The following HLA-DMB variants were observed in gnomAD, a reference collection of about 807,000 sequenced individuals.
HLA-DMB encodes the protein HLA class II histocompatibility antigen, DM beta chain.
In HLA-DMB, 18 loss-of-function variants were observed where a neutral mutation model predicts 29.3. That is an observed-to-expected ratio of 0.62 (90% CI 0.43 to 0.91). HLA-DMB has a LOEUF of 0.91. Ranked by LOEUF, HLA-DMB falls within the 40% of genes least tolerant of loss-of-function variation. The pLI, the probability that HLA-DMB is intolerant of heterozygous loss-of-function variation, is 0.00. For synonymous variants in HLA-DMB, 143 were observed against 128.7 expected, an observed-to-expected ratio of 1.11 and a Z score of -0.75; for missense variants, 258 against 320.9, an observed-to-expected ratio of 0.80 and a Z score of 1.50.
Position 32,937,124 on chromosome 6 carries a change from C to G in HLA-DMB, c.622+48G>C, listed in dbSNP as rs773228885. On this transcript the variant is annotated intron_variant, in intron 3 of 5. Coordinates refer to ENST00000418107, the MANE Select transcript of HLA-DMB (RefSeq NM_002118.5). The surrounding 1 kb of genome is among the most constrained non-coding windows in gnomAD (Gnocchi z 4.1). ...ATGTACCATGTATCGATCCACATCT[C>G]ATTTTCTCTGCTTTGACCCTAATTC... 6.0e-6 allele frequency: 9 copies of G among 1,490,604 alleles called. No homozygotes were observed. Among genetic ancestry groups the G allele is most frequent in the Non-Finnish European group, 6.4e-6 (7 of 1,101,066 alleles). The allele number at this position is 1,490,604 out of a possible 1,614,324, so 92.3% of individuals were successfully genotyped here.
chr6:32,939,063 T>C (rs1776192215), intron 1 of HLA-DMB, 98 bp from the exon 2 acceptor site: 1 of 785,474 alleles, frequency 1.3e-6, no homozygotes. Flanking sequence ...AAATAATAAA[T>C]ATATAAAACA....
chr6:32,940,619 A>G (rs561416854), intron 1 of HLA-DMB, 134 bp downstream of exon 1: 3 of 594,446 alleles, frequency 5.0e-6, no homozygotes, highest in Non-Finnish European at 9.0e-6. Context: ...AATTGCTACA[A>G]AGTACAAAGT....
intron 3 of HLA-DMB, 60 bp from the exon 4 acceptor site, chr6:32,935,712 A>G (rs1775962504): frequency 3.3e-6 from 4 of 1,228,236 alleles, no homozygotes; most frequent in African/African-American, 1.5e-5. Flanking sequence ...GGGCAATTCC[A>G]TTTATTGCAG....
At chr6:32,935,772 G>T in intron 3 of HLA-DMB, 120 bp from the exon 4 acceptor site, 1 of 664,460 alleles carries the variant, frequency 1.5e-6, no homozygotes, top group Non-Finnish European at 2.7e-6. Flanking sequence ...CAAGGGTCTA[G>T]CTCACACCAC....
rs1776041413 is a variant in HLA-DMB at position 32,937,023 on chromosome 6, T to C, written c.622+149A>G. The C allele has an allele frequency of 3.6e-6, 2 of 561,784 alleles. No homozygotes were observed. Among genetic ancestry groups the C allele is most frequent in the Non-Finnish European group, 6.0e-6 (2 of 330,734 alleles). 34.8% of individuals were successfully genotyped at this position (561,784 alleles called of 1,614,324 possible). On this transcript the variant is annotated intron_variant, in intron 3 of 5. Transcript: ENST00000418107. The surrounding 1 kb of genome is among the most constrained non-coding windows in gnomAD (Gnocchi z 4.1). ...TAAATATTTCCATTTCTTTATCCCA[T>C]TTCCCCATTCTGGTCCTAAGCCCCC...
At position 32,937,386 on chromosome 6, in the gene HLA-DMB, A is replaced by AT; in HGVS notation, c.407dup (p.Tyr136Ter). 1.2e-6 allele frequency: 2 copies of AT among 1,614,194 alleles called. No individual in the cohort carries two copies. The highest frequency in any genetic ancestry group is 1.7e-6 in the Non-Finnish European group (2 of 1,180,036). ...CTTCTGCTGGATAGAAGCCCCACACATAGCAGGCCAGCATCACAGGCTCCC... is the reference window on the plus strand; with the variant it reads ...CTTCTGCTGGATAGAAGCCCCACACATTAGCAGGCCAGCATCACAGGCTCCC... ...NTREPVMLAC[Y>*]VWGFYPAEVT... The change falls in exon 3 of 6, where the codon TAT (tyrosine) becomes TAAT (stop). Residue 136 changes from tyrosine to a stop codon, truncating the protein, a stop_gained and frameshift_variant. Transcript: ENST00000418107. LOFTEE classifies it high-confidence loss of function. The surrounding 1 kb of genome is among the most constrained non-coding windows in gnomAD (Gnocchi z 4.1).
Position 32,940,057 on chromosome 6 carries a change from A to G in HLA-DMB, c.55+696T>C, listed in dbSNP as rs539066218. Among the ~76,000 whole-genome samples the G allele has an allele frequency of 8.9e-4, 135 of 152,214 alleles. 2 individuals carry two copies. In the South Asian group the frequency reaches 0.018, roughly 21 times the overall value. On this transcript the variant is annotated intron_variant, in intron 1 of 5. Transcript: ENST00000418107. Reference sequence around the variant, plus strand: ...GTTGGTATGAGTAAAAAAAAAAAAAAAACCTCACACAGTTGGTCAAAGAAG... The same window carrying G: ...GTTGGTATGAGTAAAAAAAAAAAAAGAACCTCACACAGTTGGTCAAAGAAG...
chr6:32,935,733 G>C, intron 3 of HLA-DMB, 81 bp from the exon 4 acceptor site: 1 of 973,272 alleles, frequency 1.0e-6, no homozygotes, highest in Non-Finnish European at 1.6e-6. Context: ...CCACCTCTCA[G>C]TGGGTTAAAA....
rs1250265850 is a variant in HLA-DMB at position 32,940,771 on chromosome 6, G to C, written c.37C>G (p.Leu13Val). The change falls in exon 1 of 6, where the codon CTG (leucine) becomes GTG (valine). Residue 13 changes from leucine to valine, a missense_variant. Leu to Val is a conservative substitution (Grantham distance 32). Coordinates refer to ENST00000418107, the MANE Select transcript of HLA-DMB (RefSeq NM_002118.5). ...TFLPLLLGLSLGCTGAGGFVA... is the reference protein window; with the variant it reads ...TFLPLLLGLSVGCTGAGGFVA... ...TCCTTACCTGCTCCTGTGCAGCCCA[G>C]GCTGAGCCCCAGCAGCAGCGGCAGG... 6.2e-7 allele frequency: 1 copy of C among 1,606,198 alleles called. No homozygotes were observed. The highest frequency in any genetic ancestry group is 8.5e-7 in the Non-Finnish European group (1 of 1,177,024).
rs1044240405 is a variant in HLA-DMB, at chr6:32,940,864, C to A, written c.-57G>T. On this transcript the variant is annotated 5_prime_UTR_variant, in exon 1 of 6. Transcript: ENST00000418107. The stretch of plus-strand genomic sequence containing the variant: ...TCCCCTGGACCAGCTCTTCCAGGGT[C>A]CGTGGGTCCTCGCCTGTCCCAGAAG... 3 of 1,414,868 alleles carry A rather than the reference C, an allele frequency of 2.1e-6. No homozygotes were observed. Among genetic ancestry groups the A allele is most frequent in the Non-Finnish European group, 2.9e-6 (3 of 1,024,072 alleles). The allele number at this position is 1,414,868 out of a possible 1,614,324, so 87.6% of individuals were successfully genotyped here. A position where few individuals can be genotyped will look rare whatever the true frequency, so the allele number is the denominator to read the frequency against.
At chr6:32,939,071 A>T (rs1480825971) in intron 1 of HLA-DMB, 106 bp from the exon 2 acceptor site, 2 of 751,542 alleles carry the variant, frequency 2.7e-6, no homozygotes, top group Non-Finnish European at 3.6e-6. Context: ...AATATATAAA[A>T]CATACAGACG....
At position 32,934,822 on chromosome 6, in the gene HLA-DMB, T is replaced by C. The variant is rs1001787626; in HGVS notation, c.*149A>G. The C allele has an allele frequency of 2.2e-5, 18 of 819,076 alleles. No homozygotes were observed. Among genetic ancestry groups the C allele is most frequent in the African/African-American group, 5.1e-5 (3 of 58,476 alleles). The allele number at this position is 819,076 out of a possible 1,614,324, so 50.7% of individuals were successfully genotyped here. A position where few individuals can be genotyped will look rare whatever the true frequency, so the allele number is the denominator to read the frequency against. ...GTCCCCCAAGTTGCTAAGTTTTACA[T>C]AGGGGAGACTGGGAAATTCAAAGAA... On this transcript the variant is annotated 3_prime_UTR_variant, in exon 6 of 6. Coordinates refer to ENST00000418107, the MANE Select transcript of HLA-DMB (RefSeq NM_002118.5).
At chr6:32,938,554 C>T (rs780027588) in intron 2 of HLA-DMB, 130 bp downstream of exon 2, 2 of 940,144 alleles carry the variant, frequency 2.1e-6, no homozygotes, top group Non-Finnish European at 3.0e-6. Context: ...CGTCTTTCTA[C>T]ATTTCAGATC....
chr6:32,940,500 T>C (rs1338748472), intron 1 of HLA-DMB, among the ~76,000 whole-genome samples: 5 of 152,210 alleles, frequency 3.3e-5, no homozygotes, highest in African/African-American at 2.4e-5. Context: ...TGCAAGGCAC[T>C]GTGCTAGGAG....
Position 32,940,755 on chromosome 6 carries a change from G to T in HLA-DMB, c.53C>A (p.Ala18Glu). Residue 18 changes from alanine (A) to glutamate (E), a missense_variant and splice_region_variant, in exon 1 of 6, where the codon GCA becomes GAA. Coordinates refer to ENST00000418107, the MANE Select transcript of HLA-DMB (RefSeq NM_002118.5). ...GTCCCCAGAAGAAGTGTCCTTACCT[G>T]CTCCTGTGCAGCCCAGGCTGAGCCC... ...LLGLSLGCTG[A>E]GGFVAHVEST... The T allele has an allele frequency of 8.7e-6, 14 of 1,605,266 alleles. No individual in the cohort carries two copies. The highest frequency in any genetic ancestry group is 1.1e-5 in the Non-Finnish European group (13 of 1,176,368).
At chr6:32,939,018 A>C in intron 1 of HLA-DMB, 53 bp from the exon 2 acceptor site, 1 of 1,022,212 alleles carries the variant, frequency 9.8e-7, no homozygotes, top group Non-Finnish European at 1.3e-6. Flanking sequence ...TGGCCTGGCA[A>C]TAAATAAATA....
chr6:32,935,458 GGA>G, intron 4 of HLA-DMB, 76 bp downstream of exon 4: 2 of 1,507,334 alleles, frequency 1.3e-6, no homozygotes, highest in East Asian at 2.3e-5. Context: ...GCAGTAGGAA[GGA>G]GAGAGTTAAT....
chr6:32,937,582 G>T lies in HLA-DMB; in HGVS notation c.338-126C>A. 1.3e-6 allele frequency: 1 copy of T among 785,162 alleles called. No individual in the cohort carries two copies. The highest frequency in any genetic ancestry group is 2.1e-6 in the Non-Finnish European group (1 of 485,222). 48.6% of individuals were successfully genotyped at this position (785,162 alleles called of 1,614,324 possible). ...CCCACTTTCCACCCCAGCCCCCTCT[G>T]CCATGCTGCCCCTTGAAGGGGAACC... On this transcript the variant is annotated intron_variant, in intron 2 of 5. Coordinates refer to ENST00000418107, the MANE Select transcript of HLA-DMB (RefSeq NM_002118.5). The surrounding 1 kb of genome is among the most constrained non-coding windows in gnomAD (Gnocchi z 4.1).
intron 3 of HLA-DMB, chr6:32,935,859 A>G: frequency 1.7e-6 from 1 of 592,840 alleles, no homozygotes; most frequent in Non-Finnish European, 3.0e-6. Context: ...AGCCTGGGGA[A>G]CCCATCTCCC....
Sources: allele counts gnomAD v4.1 joint callset (sites outside exome capture counted in the v4.1 genomes callset), GRCh38; gene constraint gnomAD v4.1.1; non-coding constraint Gnocchi (gnomAD v3.1); transcripts MANE v1.5; gene names NCBI Gene and HGNC (gene_info 2026-07-23, HGNC 2026-07-21).